Variants in DSCAML1 observed in about 807,000 individuals in gnomAD.
DSCAML1 encodes the protein DS cell adhesion molecule like 1.
Under a neutral mutation model 200.5 loss-of-function variants are expected in DSCAML1, and 38 were observed. The observed-to-expected ratio is 0.19, with a 90% CI of 0.15 to 0.25. The LOEUF (loss-of-function observed/expected upper bound fraction) is 0.25, where lower values mean the gene tolerates loss of function less well. Ranked by LOEUF, DSCAML1 falls within the 10% of genes least tolerant of loss-of-function variation. The pLI is 1.00. For missense variants in DSCAML1, 2,223 were observed against 2,858.8 expected (o/e 0.78, Z 5.07); for synonymous variants, 1,215 against 1,165.0 (o/e 1.04, Z -0.87).
chr11:117,636,764 C>T (rs1218381905), intron 3 of DSCAML1, among the ~76,000 whole-genome samples: 1 of 152,208 alleles, frequency 6.6e-6, no homozygotes, highest in Non-Finnish European at 1.5e-5. Context: ...CTTCCATTTC[C>T]TACTTTGTAA....
At position 117,780,885 on chromosome 11, in the gene DSCAML1, G is replaced by A. The variant is rs75693006; in HGVS notation, c.47-75C>T. On this transcript the variant is annotated intron_variant, in intron 1 of 32. Transcript: ENST00000651296. The surrounding 1 kb of genome is among the most constrained non-coding windows in gnomAD (Gnocchi z 4.8). The stretch of plus-strand genomic sequence containing the variant: ...ACCCATATAAGCCACGGAGGCTTGC[G>A]ACAGGCTGCACTCATTCACCTGACC... 123,793 of 1,239,920 alleles carry A rather than the reference G, an allele frequency of 0.1. 6,447 individuals carry two copies. The highest frequency in any genetic ancestry group is 0.13 in the Middle Eastern group (497 of 3,852). 76.8% of individuals were successfully genotyped at this position (1,239,920 alleles called of 1,614,324 possible). A position where few individuals can be genotyped will look rare whatever the true frequency, so the allele number is the denominator to read the frequency against.
intron 3 of DSCAML1, among the ~76,000 whole-genome samples, chr11:117,663,980 G>T (rs1021721071): frequency 2.0e-5 from 3 of 152,198 alleles, no homozygotes; most frequent in Non-Finnish European, 4.4e-5. Context: ...CGGCTGCAAG[G>T]CTGTATTGCT....
At chr11:117,728,520 G>A (rs1942925) in intron 3 of DSCAML1, among the ~76,000 whole-genome samples, 139,295 of 152,258 alleles carry the variant, frequency 0.91, 64,309 homozygotes, top group South Asian at 0.99. Flanking sequence ...TGTAGATGAT[G>A]TAATCCTGTA....
At chr11:117,616,928 T>G (rs2051821482) in intron 3 of DSCAML1, among the ~76,000 whole-genome samples, 2 of 152,226 alleles carry the variant, frequency 1.3e-5, no homozygotes, top group Non-Finnish European at 2.9e-5. Context: ...TACAGACGTG[T>G]AACAGATAAG....
chr11:117,514,128 G>A (rs1484088072), intron 8 of DSCAML1, among the ~76,000 whole-genome samples: 1 of 152,166 alleles, frequency 6.6e-6, no homozygotes, highest in African/African-American at 2.4e-5. Flanking sequence ...GGGTCCCCAG[G>A]GCCTTCCCCC....
At chr11:117,743,482 A>G (rs531110226) in intron 3 of DSCAML1, among the ~76,000 whole-genome samples, 26 of 152,234 alleles carry the variant, frequency 1.7e-4, no homozygotes, top group African/African-American at 5.8e-4. Context: ...TGTCCCCCCA[A>G]GCTCCACAGG....
At chr11:117,707,812 C>T (rs1224237463) in intron 3 of DSCAML1, among the ~76,000 whole-genome samples, 9 of 152,174 alleles carry the variant, frequency 5.9e-5, no homozygotes, top group Admixed American at 3.3e-4. Context: ...GGATTACAGG[C>T]GCGAGCCACC....
chr11:117,534,417 G>A (rs183287381), intron 3 of DSCAML1, among the ~76,000 whole-genome samples: 1 of 152,230 alleles, frequency 6.6e-6, no homozygotes, highest in Non-Finnish European at 1.5e-5. Flanking sequence ...CCATTCCAAA[G>A]TTGACTTTTA....
intron 3 of DSCAML1, among the ~76,000 whole-genome samples, chr11:117,717,479 G>A (rs903514821): frequency 3.9e-5 from 6 of 152,222 alleles, no homozygotes; most frequent in Admixed American, 2.0e-4. Context: ...GGTTCCAACT[G>A]ACTGGCGGTG....
chr11:117,806,045 C>G (rs2134086963), intron 1 of DSCAML1, among the ~76,000 whole-genome samples: 1 of 152,340 alleles, frequency 6.6e-6, no homozygotes, highest in Middle Eastern at 3.4e-3. Context: ...CTCCTAGGCC[C>G]TGTTGCCTTC....
chr11:117,636,224 T>G (rs1228901196), intron 3 of DSCAML1, among the ~76,000 whole-genome samples: 1 of 152,160 alleles, frequency 6.6e-6, no homozygotes, highest in East Asian at 1.9e-4. Flanking sequence ...CTACATTGCA[T>G]CGAATTACAT....
At chr11:117,757,177 CT>C (rs1186977330) in intron 3 of DSCAML1, among the ~76,000 whole-genome samples, 1 of 152,184 alleles carries the variant, frequency 6.6e-6, no homozygotes, top group Non-Finnish European at 1.5e-5. Context: ...GTAGTAGCTA[CT>C]TTGCCAAGGT....
At chr11:117,612,605 AT>A (rs1347952330) in intron 3 of DSCAML1, among the ~76,000 whole-genome samples, 1 of 152,098 alleles carries the variant, frequency 6.6e-6, no homozygotes, top group Non-Finnish European at 1.5e-5. Flanking sequence ...GGATGGTGAT[AT>A]CCCTGAATCC....
At chr11:117,791,939 G>T (rs756020255) in intron 1 of DSCAML1, among the ~76,000 whole-genome samples, 4 of 152,250 alleles carry the variant, frequency 2.6e-5, no homozygotes, top group Non-Finnish European at 5.9e-5. Context: ...CATAGCTGGA[G>T]AAAGTGGGGC....
At chr11:117,596,851 T>C (rs2051369651) in intron 3 of DSCAML1, among the ~76,000 whole-genome samples, 2 of 152,200 alleles carry the variant, frequency 1.3e-5, no homozygotes, top group African/African-American at 2.4e-5. Context: ...GGACCCCCAG[T>C]CTCTTATATA....
At chr11:117,744,892 C>T (rs2054489301) in intron 3 of DSCAML1, among the ~76,000 whole-genome samples, 1 of 152,244 alleles carries the variant, frequency 6.6e-6, no homozygotes, top group African/African-American at 2.4e-5. Context: ...CCCCAACCTT[C>T]CCCTGCATGC....
rs374515868 is a variant in DSCAML1 at position 117,497,521 on chromosome 11, C to T, written c.2359+6324G>A. 3.3e-5 allele frequency among the ~76,000 whole-genome samples: 5 copies of T among 152,370 alleles called. No individual in the cohort carries two copies. The East Asian group carries it at 7.7e-4, about 24-fold the overall frequency. ...TGATGAAGCAGGAGTCAGAGTGTTG[C>T]TCCTTATTCTGTGAAGTCTCAAAAT... On this transcript the variant is annotated intron_variant, in intron 11 of 32. Coordinates refer to ENST00000651296, the MANE Select transcript of DSCAML1 (RefSeq NM_020693.4).
intron 3 of DSCAML1, among the ~76,000 whole-genome samples, chr11:117,707,156 C>T (rs1030676344): frequency 2.0e-5 from 3 of 152,154 alleles, no homozygotes; most frequent in African/African-American, 7.2e-5. Flanking sequence ...GACATGAATG[C>T]CCTCAGCCCA....
At chr11:117,577,140 G>A (rs766260158) in intron 3 of DSCAML1, among the ~76,000 whole-genome samples, 4 of 152,270 alleles carry the variant, frequency 2.6e-5, no homozygotes, top group Admixed American at 6.5e-5. Flanking sequence ...GTCACCACCC[G>A]AGGTTACTGA....
Sources: gnomAD v4.1 joint callset for allele counts (sites outside exome capture counted in the v4.1 genomes callset) on GRCh38, gnomAD v4.1.1 for gene constraint, Gnocchi (gnomAD v3.1) non-coding constraint, MANE v1.5 for transcripts, NCBI Gene and HGNC (gene_info 2026-07-23, HGNC 2026-07-21) for gene names.